The following SI variants were observed in gnomAD, a reference collection of about 807,000 sequenced individuals.
SI encodes the protein sucrase-isomaltase, intestinal.
SI carries 235 observed loss-of-function variants against 253.3 expected under a neutral mutation model. The observed-to-expected ratio is 0.93, with a 90% CI of 0.83 to 1.03. SI has a LOEUF of 1.03. Ranked by LOEUF, SI falls within the 50% of genes least tolerant of loss-of-function variation. The pLI is 0.00. For synonymous variants in SI, 819 were observed against 712.0 expected, an observed-to-expected ratio of 1.15 and a Z score of -2.39; for missense variants, 2,442 against 2,211.1, an observed-to-expected ratio of 1.10 and a Z score of -2.09.
At chr3:165,032,293 G>T (rs763580241) in intron 24 of SI, among the ~76,000 whole-genome samples, 3 of 150,580 alleles carry the variant, frequency 2.0e-5, no homozygotes, top group African/African-American at 7.3e-5. Context: ...TATATAGAGA[G>T]AAATAGCAAG....
intron 15 of SI, among the ~76,000 whole-genome samples, chr3:165,047,301 T>C (rs1713174756): frequency 6.6e-6 from 1 of 152,016 alleles, no homozygotes; most frequent in African/African-American, 2.4e-5. Flanking sequence ...GAACAAGCTC[T>C]CTCTTTGCCT....
chr3:165,081,260 TC>T (rs199975475), upstream of SI, among the ~76,000 whole-genome samples: 1,417 of 152,130 alleles, frequency 9.3e-3, 20 homozygotes, highest in African/African-American at 0.032. Flanking sequence ...TATAAAGTTG[TC>T]CAAAAACTTT....
chr3:165,002,372 T>A (rs1031063150), intron 37 of SI, among the ~76,000 whole-genome samples: 2 of 151,802 alleles, frequency 1.3e-5, no homozygotes, highest in Admixed American at 1.3e-4. Context: ...CCATGATTCT[T>A]TGTGTAAAAC....
intron 1 of SI, 137 bp from the exon 2 acceptor site, chr3:165,076,149 C>A (rs1426857020): frequency 3.6e-6 from 2 of 549,762 alleles, no homozygotes; most frequent in African/African-American, 3.9e-5. Context: ...ACATAATATC[C>A]TAAATTAAGC....
In SI at chr3:165,015,968, C is replaced by G; in HGVS notation, c.3872G>C (p.Arg1291Thr). 6.2e-7 allele frequency: 1 copy of G among 1,610,306 alleles called. No homozygotes were observed. Among genetic ancestry groups the G allele is most frequent in the Admixed American group, 1.7e-5 (1 of 59,972 alleles). Residue 1291 changes from arginine (R) to threonine (T), a missense_variant, in exon 32 of 48, where the codon AGA (arginine) becomes ACA (threonine). Transcript: ENST00000264382. ...AGTACTGACCAGGATAATAATGTATCTCATTCCTTCTCCTCTTATTTTGTC... is the reference window on the plus strand; with the variant it reads ...AGTACTGACCAGGATAATAATGTATGTCATTCCTTCTCCTCTTATTTTGTC... ...FVDKIRGEGM[R>T]YIIILDPAIS...
At chr3:165,035,825 T>C (rs762209333) in intron 22 of SI, among the ~76,000 whole-genome samples, 1 of 151,654 alleles carries the variant, frequency 6.6e-6, no homozygotes, top group Non-Finnish European at 1.5e-5. Context: ...AAACTTACTA[T>C]GGCATAATTA....
At chr3:165,066,183 T>C (rs1714237229) in intron 6 of SI, among the ~76,000 whole-genome samples, 2 of 152,094 alleles carry the variant, frequency 1.3e-5, no homozygotes, top group South Asian at 4.1e-4. Flanking sequence ...TTCATTATTA[T>C]AAGTAATCTA....
chr3:165,045,600 TAC>T (rs1174359694), intron 16 of SI, among the ~76,000 whole-genome samples: 1 of 151,952 alleles, frequency 6.6e-6, no homozygotes, highest in African/African-American at 2.4e-5. Flanking sequence ...TTTAATTACT[TAC>T]ATCTTTCTTT....
At chr3:165,078,561 C>T (rs185072636), upstream of SI, 10 of 151,938 alleles carry the variant, frequency 6.6e-5, no homozygotes, top group Admixed American at 4.0e-4. Flanking sequence ...CCCTTACCAG[C>T]CTATCAGTGT....
chr3:165,011,224 C>T (rs533344573), intron 34 of SI, among the ~76,000 whole-genome samples: 2 of 151,426 alleles, frequency 1.3e-5, no homozygotes, highest in Non-Finnish European at 3.0e-5. Flanking sequence ...TTTTATTATT[C>T]TTCATGTGGG....
intron 35 of SI, 142 bp from the exon 36 acceptor site, chr3:165,008,140 A>T: frequency 2.0e-6 from 1 of 505,408 alleles, no homozygotes; most frequent in Non-Finnish European, 3.6e-6. Flanking sequence ...ACAAAATTGT[A>T]AAACATCTCA....
chr3:164,985,187 A>C (rs1427218363), intron 45 of SI, among the ~76,000 whole-genome samples: 2 of 152,198 alleles, frequency 1.3e-5, no homozygotes, highest in Non-Finnish European at 2.9e-5. Context: ...GTAGTTGGAT[A>C]GGAGGAGCTG....
At chr3:164,986,979 A>C (rs2108116461) in intron 45 of SI, among the ~76,000 whole-genome samples, 159 bp downstream of exon 45, 1 of 152,324 alleles carries the variant, frequency 6.6e-6, no homozygotes, top group African/African-American at 2.4e-5. Flanking sequence ...GACATTGTTT[A>C]TCTCTTTAAG....
intron 44 of SI, among the ~76,000 whole-genome samples, chr3:164,988,979 G>T (rs567495869): frequency 6.6e-6 from 1 of 152,042 alleles, no homozygotes; most frequent in East Asian, 1.9e-4. Flanking sequence ...ATGGGACAAG[G>T]TCATTAAATG....
chr3:165,070,928 A>G (rs1714531832), intron 3 of SI, among the ~76,000 whole-genome samples: 1 of 151,978 alleles, frequency 6.6e-6, no homozygotes, highest in Non-Finnish European at 1.5e-5. Context: ...GTCTCTCTCT[A>G]GCTTCTAGTG....
intron 17 of SI, among the ~76,000 whole-genome samples, chr3:165,042,288 C>A (rs942104725): frequency 6.6e-6 from 1 of 152,074 alleles, no homozygotes; most frequent in Non-Finnish European, 1.5e-5. Context: ...TTTTTTCCAT[C>A]ATGCCTCCTT....
intron 24 of SI, 134 bp from the exon 25 acceptor site, chr3:165,031,001 A>G (rs929732837): frequency 2.4e-6 from 3 of 1,257,900 alleles, no homozygotes; most frequent in South Asian, 1.6e-5. Context: ...AACGAGGGCA[A>G]TTCTTCAAAT....
At chr3:165,027,674 G>T (rs1339361958) in intron 25 of SI, among the ~76,000 whole-genome samples, 1 of 151,354 alleles carries the variant, frequency 6.6e-6, no homozygotes, top group East Asian at 1.9e-4. Context: ...GTCAATAATT[G>T]TGATACACCA....
At chr3:165,084,491 T>A in the SI span, among the ~76,000 whole-genome samples, 1 of 152,032 alleles carries the variant, frequency 6.6e-6, no homozygotes, top group Non-Finnish European at 1.5e-5. Flanking sequence ...TTTCAGTCAT[T>A]TGATATGTAA....
Sources: allele counts gnomAD v4.1 joint callset (sites outside exome capture counted in the v4.1 genomes callset), GRCh38; gene constraint gnomAD v4.1.1; transcripts MANE v1.5; gene names NCBI Gene and HGNC (gene_info 2026-07-23, HGNC 2026-07-21).